RORA: variants seen among roughly 807,000 people sequenced by gnomAD.
The protein encoded by RORA is nuclear receptor ROR-alpha.
In RORA, 7 loss-of-function variants were observed where a neutral mutation model predicts 69.5. The observed-to-expected ratio is 0.10, with a 90% CI of 0.06 to 0.19. RORA has a LOEUF of 0.19. Ranked by LOEUF, RORA falls within the 10% of genes least tolerant of loss-of-function variation. The probability of loss-of-function intolerance (pLI) is 1.00; values close to 1 mark genes in which losing one functional copy is unlikely to be tolerated. For synonymous variants in RORA, 261 were observed against 240.8 expected, an observed-to-expected ratio of 1.08 and a Z score of -0.78; for missense variants, 457 against 663.0, an observed-to-expected ratio of 0.69 and a Z score of 3.41.
At chr15:60,504,680 GC>G (rs1475102737) in intron 6 of RORA, among the ~76,000 whole-genome samples, 2 of 152,196 alleles carry the variant, frequency 1.3e-5, no homozygotes, top group African/African-American at 4.8e-5. Context: ...AGCTTTGGCT[GC>G]TGGCATTACC....
intron 1 of RORA, among the ~76,000 whole-genome samples, chr15:60,968,384 G>A (rs1347460865): frequency 6.6e-6 from 1 of 152,176 alleles, no homozygotes; most frequent in Non-Finnish European, 1.5e-5. Flanking sequence ...TTCTGATTCA[G>A]GAAATCTGGG....
At chr15:60,898,167 A>G (rs536177148) in intron 1 of RORA, among the ~76,000 whole-genome samples, 1 of 152,316 alleles carries the variant, frequency 6.6e-6, no homozygotes, top group East Asian at 1.9e-4. Context: ...CCAAAGAAGC[A>G]GAGGCTCAGC....
chr15:61,164,946 T>A (rs978080146), intron 1 of RORA, among the ~76,000 whole-genome samples: 35 of 152,126 alleles, frequency 2.3e-4, no homozygotes, highest in African/African-American at 8.4e-4. Flanking sequence ...GAGAACCTTT[T>A]CAAAGACAGA....
chr15:61,167,615 A>G lies in RORA; in HGVS notation c.166+61438T>C, dbSNP rs1011944365. ...CACCAGGTGGTGACAGTGTGCCACA[A>G]TTCAGGACCAGCAAGGTTGGCATCA... On this transcript the variant is annotated intron_variant, in intron 1 of 10. Transcript: ENST00000335670. Among the ~76,000 whole-genome samples the G allele has an allele frequency of 9.9e-5, 15 of 151,706 alleles. No homozygotes were observed. In the East Asian group the frequency reaches 2.7e-3, roughly 28 times the overall value.
chr15:60,619,116 C>T (rs1053047367), intron 2 of RORA, among the ~76,000 whole-genome samples: 2 of 152,182 alleles, frequency 1.3e-5, no homozygotes, highest in Admixed American at 6.5e-5. Flanking sequence ...CTTCACTAAG[C>T]TCTAATTGCA....
chr15:61,161,849 A>G (rs1188662780), intron 1 of RORA, among the ~76,000 whole-genome samples: 2 of 152,162 alleles, frequency 1.3e-5, no homozygotes, highest in Admixed American at 1.3e-4. Flanking sequence ...GGTCCAAATA[A>G]AAATACAATG....
intron 2 of RORA, among the ~76,000 whole-genome samples, chr15:60,648,696 C>G (rs2070094980): frequency 6.6e-6 from 1 of 152,156 alleles, no homozygotes; most frequent in Admixed American, 6.5e-5. Flanking sequence ...ACTAATATAC[C>G]TCACGGAGGG....
intron 1 of RORA, among the ~76,000 whole-genome samples, chr15:60,948,821 T>C (rs1595839409): frequency 1.3e-5 from 2 of 152,264 alleles, no homozygotes; most frequent in African/African-American, 2.4e-5. Flanking sequence ...ATTAAAGAAC[T>C]AGAAACTAGA....
intron 1 of RORA, among the ~76,000 whole-genome samples, chr15:61,160,254 TG>T (rs1290373813): frequency 6.6e-6 from 1 of 152,230 alleles, no homozygotes; most frequent in East Asian, 1.9e-4. Context: ...CTTCCATTAC[TG>T]ATGCTCATAA....
chr15:61,225,796 A>G (rs1163791792), intron 1 of RORA, among the ~76,000 whole-genome samples: 1 of 152,210 alleles, frequency 6.6e-6, no homozygotes, highest in African/African-American at 2.4e-5. Context: ...GGCTCCCTGA[A>G]GTCCCTGAAA....
At chr15:60,791,292 C>G (rs2072413397) in intron 1 of RORA, among the ~76,000 whole-genome samples, 1 of 152,276 alleles carries the variant, frequency 6.6e-6, no homozygotes, top group South Asian at 2.1e-4. Flanking sequence ...TTTGAAATAT[C>G]TAAATATAAA....
chr15:60,939,030 C>T (rs1892609138), intron 1 of RORA, among the ~76,000 whole-genome samples: 1 of 152,176 alleles, frequency 6.6e-6, no homozygotes, highest in African/African-American at 2.4e-5. Context: ...TTGCTCAGGC[C>T]ATTGCTCGTT....
chr15:60,734,803 A>G (rs2071477250), intron 1 of RORA, among the ~76,000 whole-genome samples: 1 of 152,236 alleles, frequency 6.6e-6, no homozygotes, highest in African/African-American at 2.4e-5. Flanking sequence ...CTTTGAAGTG[A>G]CAGATGGGGC....
intron 1 of RORA, among the ~76,000 whole-genome samples, chr15:60,879,873 C>T (rs1177864011): frequency 6.6e-6 from 1 of 152,224 alleles, no homozygotes; most frequent in African/African-American, 2.4e-5. Context: ...CCTTCCACAT[C>T]TACGTGCCAT....
chr15:60,726,313 G>A (rs2071356355), intron 1 of RORA, among the ~76,000 whole-genome samples: 2 of 152,128 alleles, frequency 1.3e-5, no homozygotes, highest in Admixed American at 6.5e-5. Context: ...AAATGAATGG[G>A]GTCAGGACCA....
chr15:60,579,585 C>G (rs922459886), intron 2 of RORA, among the ~76,000 whole-genome samples: 6 of 152,160 alleles, frequency 3.9e-5, no homozygotes, highest in African/African-American at 1.4e-4. Flanking sequence ...TTCTAACATG[C>G]TATTGAGAAA....
chr15:60,668,533 T>C (rs760450706), intron 2 of RORA, among the ~76,000 whole-genome samples: 3 of 152,214 alleles, frequency 2.0e-5, no homozygotes, highest in Non-Finnish European at 2.9e-5. Context: ...TTAGGAAGTT[T>C]CACACAAGGG....
intron 1 of RORA, among the ~76,000 whole-genome samples, chr15:60,926,255 A>G (rs532935270): frequency 6.6e-6 from 1 of 152,328 alleles, no homozygotes; most frequent in South Asian, 2.1e-4. Flanking sequence ...TTGGAACAGA[A>G]CCTGGAGCAT....
intron 1 of RORA, among the ~76,000 whole-genome samples, chr15:61,103,716 T>A (rs1317638953): frequency 2.6e-5 from 4 of 152,100 alleles, no homozygotes; most frequent in African/African-American, 9.7e-5. Context: ...CCAGAACAGA[T>A]CCAGATATGG....
Sources: gnomAD v4.1 joint callset for allele counts (sites outside exome capture counted in the v4.1 genomes callset) on GRCh38, gnomAD v4.1.1 for gene constraint, MANE v1.5 for transcripts, NCBI Gene and HGNC (gene_info 2026-07-23, HGNC 2026-07-21) for gene names.